LRP1B: variants seen among roughly 807,000 people sequenced by gnomAD.
LRP1B encodes the protein LDL receptor related protein 1B.
A neutral mutation model predicts 556.6 loss-of-function variants in LRP1B; 217 were observed. The observed-to-expected ratio is 0.39, with a 90% confidence interval of 0.35 to 0.44. The LOEUF is 0.44. Among genes scored for constraint, LRP1B ranks in the 20% least tolerant of loss-of-function variants. LRP1B has a pLI of 1.00. For synonymous variants in LRP1B, 2,047 were observed against 1,865.8 expected, an observed-to-expected ratio of 1.10 and a Z score of -2.50; for missense variants, 5,053 against 5,620.8, an observed-to-expected ratio of 0.90 and a Z score of 3.23.
chr2:141,815,469 G>C (rs1454316621), intron 1 of LRP1B, among the ~76,000 whole-genome samples: 1 of 152,000 alleles, frequency 6.6e-6, no homozygotes, highest in Non-Finnish European at 1.5e-5. Context: ...CTTGCAAGAG[G>C]ATTGTAAAAT....
chr2:141,977,584 T>C (rs1454212158), intron 1 of LRP1B, among the ~76,000 whole-genome samples: 3 of 152,106 alleles, frequency 2.0e-5, no homozygotes, highest in Non-Finnish European at 4.4e-5. Context: ...TTCCTACCTT[T>C]CAAAAATTAC....
intron 2 of LRP1B, among the ~76,000 whole-genome samples, chr2:141,611,529 A>G (rs534434535): frequency 3.3e-5 from 5 of 152,156 alleles, no homozygotes; most frequent in Non-Finnish European, 5.9e-5. Context: ...CTTAAATGCT[A>G]TTACTCTGCA....
chr2:140,970,910 T>G (rs1696400929), intron 18 of LRP1B, among the ~76,000 whole-genome samples: 1 of 151,764 alleles, frequency 6.6e-6, no homozygotes, highest in African/African-American at 2.4e-5. Flanking sequence ...CCTGCTAATT[T>G]TTTGTTTTTG....
At chr2:142,072,976 T>C (rs897633636) in intron 1 of LRP1B, among the ~76,000 whole-genome samples, 2 of 152,050 alleles carry the variant, frequency 1.3e-5, no homozygotes, top group African/African-American at 4.8e-5. Context: ...TCCTGTGAAA[T>C]TCTCTGCAAT....
intron 3 of LRP1B, among the ~76,000 whole-genome samples, chr2:141,342,889 C>T (rs1391215801): frequency 6.6e-6 from 1 of 152,072 alleles, no homozygotes; most frequent in African/African-American, 2.4e-5. Flanking sequence ...AAAGATATTC[C>T]TTGAGAAGAG....
intron 15 of LRP1B, among the ~76,000 whole-genome samples, chr2:141,001,205 T>C (rs1203168570): frequency 6.6e-6 from 1 of 152,102 alleles, no homozygotes; most frequent in Non-Finnish European, 1.5e-5. Context: ...GTGTTGACAT[T>C]ATCATAAGGG....
chr2:140,665,756 G>T (rs1317567435), intron 41 of LRP1B, among the ~76,000 whole-genome samples: 1 of 152,026 alleles, frequency 6.6e-6, no homozygotes, highest in Non-Finnish European at 1.5e-5. Context: ...GTGGCCAACA[G>T]GATCCTAAAA....
chr2:140,539,159 T>C (rs1424186041), intron 45 of LRP1B, among the ~76,000 whole-genome samples: 1 of 152,158 alleles, frequency 6.6e-6, no homozygotes, highest in Non-Finnish European at 1.5e-5. Context: ...TCAACAGTTA[T>C]GACAACAAAT....
intron 18 of LRP1B, among the ~76,000 whole-genome samples, chr2:140,976,825 A>G (rs1483524524): frequency 6.6e-6 from 1 of 151,982 alleles, no homozygotes; most frequent in Admixed American, 6.6e-5. Context: ...CTACCTTTCA[A>G]TCTGCTAACA....
intron 1 of LRP1B, among the ~76,000 whole-genome samples, chr2:141,997,648 C>CATATAT (rs138886100): frequency 0.011 from 1,490 of 139,054 alleles, 18 homozygotes; most frequent in Admixed American, 0.017. Context: ...GCACCCAGCC[C>CATATAT]ATATATATAT....
chr2:140,697,163 C>T (rs1686459004), intron 41 of LRP1B, among the ~76,000 whole-genome samples: 1 of 152,088 alleles, frequency 6.6e-6, no homozygotes, highest in South Asian at 2.1e-4. Flanking sequence ...AGTAAAGTGT[C>T]ATGGATTCTA....
intron 3 of LRP1B, among the ~76,000 whole-genome samples, chr2:141,299,203 G>A (rs891534587): frequency 1.3e-5 from 2 of 152,140 alleles, no homozygotes; most frequent in Admixed American, 6.5e-5. Context: ...GAGCCGAGCA[G>A]ATAGTATCAC....
chr2:140,619,585 C>A (rs1336990123), intron 41 of LRP1B, among the ~76,000 whole-genome samples: 1 of 152,080 alleles, frequency 6.6e-6, no homozygotes, highest in Non-Finnish European at 1.5e-5. Context: ...TGGGAGTCCC[C>A]GTATAACCTT....
At chr2:140,238,400 GAATA>G in intron 88 of LRP1B, 104 bp from the exon 89 acceptor site, 1 of 583,274 alleles carries the variant, frequency 1.7e-6, no homozygotes, top group Non-Finnish European at 2.8e-6. Context: ...GAAATAAATT[GAATA>G]AATGACATTT....
At chr2:140,562,883 T>G (rs949626719) in intron 43 of LRP1B, among the ~76,000 whole-genome samples, 2 of 152,126 alleles carry the variant, frequency 1.3e-5, no homozygotes, top group African/African-American at 4.8e-5. Flanking sequence ...CCCAAAGTGC[T>G]AGGATTACAA....
In LRP1B at chr2:141,409,121, C is replaced by T. The variant is rs150421490; in HGVS notation, c.343+71275G>A. Among the ~76,000 whole-genome samples the T allele has an allele frequency of 7.5e-3, 1,147 of 152,096 alleles. 18 individuals are homozygous for T. The highest frequency in any genetic ancestry group is 0.025 in the African/African-American group (1,053 of 41,490). ...GTTACCTCAACACAAATATGGTATA[C>T]TAATATCTATCATTTAAGTGATTCA... On this transcript the variant is annotated intron_variant, in intron 3 of 90. Transcript: ENST00000389484.
At chr2:141,108,067 A>G (rs1265213956) in intron 7 of LRP1B, among the ~76,000 whole-genome samples, 1 of 152,160 alleles carries the variant, frequency 6.6e-6, no homozygotes, top group African/African-American at 2.4e-5. Context: ...ACTGGATTTT[A>G]CTGACTATGC....
At chr2:141,930,305 T>C (rs1192344304) in intron 1 of LRP1B, among the ~76,000 whole-genome samples, 10 of 152,088 alleles carry the variant, frequency 6.6e-5, no homozygotes, top group Non-Finnish European at 1.5e-4. Context: ...AATGACCATA[T>C]TCCCCTTAGC....
intron 2 of LRP1B, among the ~76,000 whole-genome samples, chr2:141,645,216 TA>T (rs1449204557): frequency 1.3e-5 from 2 of 152,124 alleles, no homozygotes; most frequent in African/African-American, 4.8e-5. Context: ...AAGATTAGGA[TA>T]AATTCTCTCC....
Sources: gnomAD v4.1 joint callset for allele counts (sites outside exome capture counted in the v4.1 genomes callset) on GRCh38, gnomAD v4.1.1 for gene constraint, MANE v1.5 for transcripts, NCBI Gene and HGNC (gene_info 2026-07-23, HGNC 2026-07-21) for gene names.